IL1RAPL1: variants seen among roughly 807,000 people sequenced by gnomAD.
IL1RAPL1 encodes interleukin-1 receptor accessory protein-like 1.
In IL1RAPL1, 3 loss-of-function variants were observed where a neutral mutation model predicts 48.4. The ratio of observed to expected loss-of-function variants is 0.06; its 90% CI spans 0.03 to 0.16. The LOEUF (loss-of-function observed/expected upper bound fraction) is 0.16. Ranked by LOEUF, IL1RAPL1 falls within the 10% of genes least tolerant of loss-of-function variation. The probability of loss-of-function intolerance (pLI) is 1.00; values close to 1 mark genes in which losing one functional copy is unlikely to be tolerated. For missense variants in IL1RAPL1, 349 were observed against 530.6 expected (o/e 0.66, Z 3.36); for synonymous variants, 185 against 187.7 (o/e 0.99, Z 0.12).
chrX:29,426,279 C>T (rs1934349323), intron 5 of IL1RAPL1, among the ~76,000 whole-genome samples: 1 of 111,876 alleles, frequency 8.9e-6, no homozygotes, highest in Admixed American at 9.5e-5. Flanking sequence ...TTTACTGAGG[C>T]CATCCTGTGT....
At chrX:29,650,624 T>C (rs1925487275) in intron 5 of IL1RAPL1, among the ~76,000 whole-genome samples, 1 of 109,948 alleles carries the variant, frequency 9.1e-6, no homozygotes, top group African/African-American at 3.3e-5. Flanking sequence ...CAAAAATCAA[T>C]TCAAAATGGA....
intron 2 of IL1RAPL1, among the ~76,000 whole-genome samples, chrX:28,844,230 G>A (rs1209557185): frequency 1.9e-5 from 2 of 105,260 alleles, no homozygotes; most frequent in African/African-American, 6.9e-5. Flanking sequence ...AAAAAGGTGG[G>A]AACGGAACGT....
intron 9 of IL1RAPL1, among the ~76,000 whole-genome samples, chrX:29,946,551 G>C (rs1933216417): frequency 8.9e-6 from 1 of 112,219 alleles, no homozygotes; most frequent in Admixed American, 9.5e-5. Flanking sequence ...AGAAAGTTTG[G>C]ATAAATTCTG....
Position 29,803,198 on chromosome X carries a change from T to TGC in IL1RAPL1, c.779-114266_779-114265insGC, listed in dbSNP as rs748112409. Among the ~76,000 whole-genome samples the TGC allele has an allele frequency of 4.7e-3, 101 of 21,707 alleles. 5 individuals carry two copies. The highest frequency in any genetic ancestry group is 0.017 in the African/African-American group (90 of 5,178). The allele number at this position is 21,707 out of a possible 115,157, so 18.8% of individuals were successfully genotyped here. On this transcript the variant is annotated intron_variant, in intron 6 of 10. Coordinates refer to ENST00000378993, the MANE Select transcript of IL1RAPL1 (RefSeq NM_014271.4). ...ATACATATATGTATATATGTATACA[T>TGC]ATACACACATGTATATATGTATACA...
chrX:29,585,000 T>C (rs143064388), intron 5 of IL1RAPL1, among the ~76,000 whole-genome samples: 2,279 of 112,472 alleles, frequency 0.02, 60 homozygotes, highest in African/African-American at 0.07. Flanking sequence ...TTTGTTTTTC[T>C]TACTGGTTTC....
At chrX:29,549,734 G>A (rs1459308017) in intron 5 of IL1RAPL1, among the ~76,000 whole-genome samples, 5 of 111,966 alleles carry the variant, frequency 4.5e-5, no homozygotes, top group African/African-American at 1.6e-4. Flanking sequence ...GGCTTTCTAG[G>A]TAGAAAGAAT....
chrX:29,046,056 T>C (rs1000121273), intron 2 of IL1RAPL1, among the ~76,000 whole-genome samples: 11 of 104,272 alleles, frequency 1.1e-4, no homozygotes, highest in East Asian at 3.1e-4. Context: ...TCCTCCTCCT[T>C]CTTTTTCTTC....
chrX:28,785,364 G>A (rs1936463960), intron 1 of IL1RAPL1, among the ~76,000 whole-genome samples: 1 of 111,963 alleles, frequency 8.9e-6, no homozygotes, highest in African/African-American at 3.2e-5. Flanking sequence ...GGGCCCAAAT[G>A]ATCCTCCTGC....
intron 9 of IL1RAPL1, 51 bp downstream of exon 9, chrX:29,941,845 T>C (rs1933134519): frequency 8.8e-7 from 1 of 1,136,830 alleles, no homozygotes; most frequent in South Asian, 1.8e-5. Flanking sequence ...AATTTCTTTC[T>C]TGTCTTTGTT....
intron 2 of IL1RAPL1, among the ~76,000 whole-genome samples, chrX:29,093,336 G>A (rs1257759646): frequency 9.1e-6 from 1 of 110,253 alleles, no homozygotes; most frequent in Non-Finnish European, 1.9e-5. Context: ...AGCAGGAGGA[G>A]GGGGGTGGGA....
chrX:29,315,962 A>G (rs990243010), intron 3 of IL1RAPL1, among the ~76,000 whole-genome samples: 1 of 111,875 alleles, frequency 8.9e-6, no homozygotes, highest in African/African-American at 3.2e-5. Context: ...GGTTGTAACT[A>G]TAGGGGCAGG....
chrX:29,692,318 C>T (rs903674424), intron 6 of IL1RAPL1, among the ~76,000 whole-genome samples: 1 of 111,880 alleles, frequency 8.9e-6, no homozygotes, highest in African/African-American at 3.2e-5. Context: ...AATTCTTACC[C>T]TTCCTACACA....
At chrX:29,614,769 G>GA (rs2147070576) in intron 5 of IL1RAPL1, among the ~76,000 whole-genome samples, 1 of 111,712 alleles carries the variant, frequency 9.0e-6, no homozygotes, top group South Asian at 3.7e-4. Context: ...TCTAAGGAAG[G>GA]AAAAAACAAA....
chrX:29,942,916 C>T (rs1185284801), intron 9 of IL1RAPL1, among the ~76,000 whole-genome samples: 2 of 110,715 alleles, frequency 1.8e-5, no homozygotes, highest in East Asian at 5.7e-4. Context: ...CTACTGCACC[C>T]GGTCTCATCA....
chrX:29,363,207 A>T (rs1933400445), intron 3 of IL1RAPL1, among the ~76,000 whole-genome samples: 2 of 112,052 alleles, frequency 1.8e-5, no homozygotes, highest in Admixed American at 1.9e-4. Context: ...ATCATAGTAC[A>T]AAAAAGGTAA....
intron 1 of IL1RAPL1, among the ~76,000 whole-genome samples, chrX:28,701,467 A>G (rs939926777): frequency 5.4e-5 from 6 of 112,119 alleles, no homozygotes; most frequent in Admixed American, 1.9e-4. Context: ...ACTCTTTGTA[A>G]AATGTAAGAA....
Position 28,971,708 on chromosome X carries a change from A to G in IL1RAPL1, c.82+182283A>G, listed in dbSNP as rs112136624. 1.8e-3 allele frequency among the ~76,000 whole-genome samples: 199 copies of G among 111,587 alleles called. 1 individual carries two copies. Among genetic ancestry groups the G allele is most frequent in the Middle Eastern group, 9.2e-3 (2 of 217 alleles). On this transcript the variant is annotated intron_variant, in intron 2 of 10. Coordinates refer to ENST00000378993, the MANE Select transcript of IL1RAPL1 (RefSeq NM_014271.4). ...GATTTGGCAGAACGATCAATGAGAC[A>G]TACGTGAGAGAGTGTGTGTGTTCAA...
At chrX:28,708,556 T>A (rs938649822) in intron 1 of IL1RAPL1, among the ~76,000 whole-genome samples, 8 of 111,839 alleles carry the variant, frequency 7.2e-5, no homozygotes, top group Non-Finnish European at 1.1e-4. Flanking sequence ...TCCACATAAG[T>A]GTTCATGAAC....
chrX:29,901,858 A>G (rs1453554882), intron 6 of IL1RAPL1, among the ~76,000 whole-genome samples: 3 of 112,618 alleles, frequency 2.7e-5, no homozygotes, highest in Non-Finnish European at 5.6e-5. Context: ...GTGCCTTATC[A>G]AGATGTAATC....
Sources: allele counts gnomAD v4.1 joint callset (sites outside exome capture counted in the v4.1 genomes callset), GRCh38; gene constraint gnomAD v4.1.1; transcripts MANE v1.5; gene names NCBI Gene and HGNC (gene_info 2026-07-23, HGNC 2026-07-21).